Variants in NRXN1 observed in about 807,000 individuals in gnomAD.
The protein encoded by NRXN1 is neurexin-1.
A neutral mutation model predicts 150.9 loss-of-function variants in NRXN1; 39 were observed. The observed-to-expected ratio is 0.26, with a 90% CI of 0.20 to 0.34. The LOEUF (loss-of-function observed/expected upper bound fraction) is 0.34. Ranked by LOEUF, NRXN1 falls within the 10% of genes least tolerant of loss-of-function variation. NRXN1 has a pLI of 1.00. For missense variants in NRXN1, 1,815 were observed against 1,949.9 expected, an observed-to-expected ratio of 0.93 and a Z score of 1.30; for synonymous variants, 924 against 757.0, an observed-to-expected ratio of 1.22 and a Z score of -3.62.
At chr2:50,384,505 C>CAAAAAAA (rs56052881) in intron 17 of NRXN1, among the ~76,000 whole-genome samples, 5 of 55,968 alleles carry the variant, frequency 8.9e-5, no homozygotes, top group East Asian at 4.2e-4. Context: ...GACTCCATCT[C>CAAAAAAA]AAAAAAAAAA....
chr2:50,844,182 G>A (rs991400132), intron 5 of NRXN1, among the ~76,000 whole-genome samples: 1 of 152,024 alleles, frequency 6.6e-6, no homozygotes, highest in Non-Finnish European at 1.5e-5. Context: ...GTCACAACAG[G>A]TAATTTATCT....
rs1491158433 is a variant in NRXN1, at chr2:50,278,255, T to TATTATA, written c.3365-41286_3365-41285insTATAAT. 7.6e-4 allele frequency among the ~76,000 whole-genome samples: 86 copies of TATTATA among 112,546 alleles called. 1 individual carries two copies. The highest frequency in any genetic ancestry group is 1.7e-3 in the South Asian group (7 of 4,044). 73.8% of individuals were successfully genotyped at this position (112,546 alleles called of 152,430 possible). Reference sequence around the variant, plus strand: ...TATATATATATAATATATATATATATTATATATATTATATATGTATTATAT... The same window carrying TATTATA: ...TATATATATATAATATATATATATATATTATATATATATATTATATATGTATTATAT... On this transcript the variant is annotated intron_variant, in intron 17 of 22. Coordinates refer to ENST00000401669, the MANE Select transcript of NRXN1 (RefSeq NM_001330078.2).
intron 17 of NRXN1, among the ~76,000 whole-genome samples, chr2:50,369,027 G>T (rs947369623): frequency 3.3e-5 from 5 of 151,926 alleles, no homozygotes; most frequent in Non-Finnish European, 7.4e-5. Flanking sequence ...AAGGGAAGGA[G>T]CAAAACATCG....
At chr2:50,115,601 T>C (rs1308945222) in intron 18 of NRXN1, among the ~76,000 whole-genome samples, 1 of 151,878 alleles carries the variant, frequency 6.6e-6, no homozygotes, top group Non-Finnish European at 1.5e-5. Flanking sequence ...CCTGTCCAAC[T>C]GCACAGCTGA....
chr2:50,538,174 T>A, intron 10 of NRXN1, 79 bp downstream of exon 10: 2 of 1,478,664 alleles, frequency 1.4e-6, no homozygotes, highest in South Asian at 1.3e-5. Flanking sequence ...TACGTTTCAA[T>A]GGTCAGTGCA....
At chr2:50,261,367 C>A (rs866526429) in intron 17 of NRXN1, among the ~76,000 whole-genome samples, 4 of 151,760 alleles carry the variant, frequency 2.6e-5, no homozygotes, top group South Asian at 4.1e-4. Flanking sequence ...CAGAGAGATT[C>A]ATTTTCTCCT....
intron 5 of NRXN1, among the ~76,000 whole-genome samples, chr2:50,629,768 A>G (rs1681914844): frequency 6.6e-6 from 1 of 151,684 alleles, no homozygotes; most frequent in Non-Finnish European, 1.5e-5. Flanking sequence ...CAATAGTAAT[A>G]ATTTCAATTG....
At chr2:50,199,391 C>T (rs1369106384) in intron 18 of NRXN1, 2 of 152,078 alleles carry the variant, frequency 1.3e-5, no homozygotes, top group African/African-American at 4.8e-5. Context: ...GTTTTTGGAA[C>T]TCCCAACCCC....
At chr2:50,944,479 T>C (rs902799161) in intron 2 of NRXN1, among the ~76,000 whole-genome samples, 1 of 152,126 alleles carries the variant, frequency 6.6e-6, no homozygotes, top group Non-Finnish European at 1.5e-5. Flanking sequence ...ATGTAACACA[T>C]AGCTAATGAA....
intron 2 of NRXN1, among the ~76,000 whole-genome samples, chr2:51,004,169 G>A (rs950749303): frequency 2.0e-5 from 3 of 151,810 alleles, no homozygotes; most frequent in Non-Finnish European, 4.4e-5. Flanking sequence ...TTTCACAGAT[G>A]CTGGACAGAT....
intron 5 of NRXN1, among the ~76,000 whole-genome samples, chr2:50,669,866 AAAC>A (rs1286140018): frequency 1.5e-5 from 2 of 135,678 alleles, no homozygotes; most frequent in African/African-American, 5.7e-5. Flanking sequence ...ATAAATCCAA[AAAC>A]AACAACAAAA....
chr2:50,735,761 T>G (rs1474863265), intron 5 of NRXN1, among the ~76,000 whole-genome samples: 2 of 152,222 alleles, frequency 1.3e-5, no homozygotes, highest in Non-Finnish European at 2.9e-5. Context: ...TTCACCTACC[T>G]ATTTGACATC....
At chr2:50,999,797 T>C (rs1197960759) in intron 2 of NRXN1, among the ~76,000 whole-genome samples, 1 of 152,000 alleles carries the variant, frequency 6.6e-6, no homozygotes. Context: ...ATTCAAAGTA[T>C]GTGCTAACAT....
At chr2:50,125,527 A>G (rs1435603661) in intron 18 of NRXN1, among the ~76,000 whole-genome samples, 1 of 152,124 alleles carries the variant, frequency 6.6e-6, no homozygotes, top group East Asian at 1.9e-4. Context: ...AAACTGAGCC[A>G]GAAACTGAAA....
At chr2:50,118,997 G>A (rs1302331443) in intron 18 of NRXN1, among the ~76,000 whole-genome samples, 1 of 150,696 alleles carries the variant, frequency 6.6e-6, no homozygotes, top group East Asian at 1.9e-4. Flanking sequence ...TTTTCGGTTG[G>A]TATTACAGAA....
intron 2 of NRXN1, among the ~76,000 whole-genome samples, chr2:51,007,918 G>T (rs548782968): frequency 6.6e-6 from 1 of 151,876 alleles, no homozygotes; most frequent in African/African-American, 2.4e-5. Context: ...CCTAAGAAAG[G>T]AAATAACAGT....
intron 21 of NRXN1, among the ~76,000 whole-genome samples, chr2:50,011,587 G>T (rs1007304450): frequency 6.6e-6 from 1 of 152,054 alleles, no homozygotes; most frequent in Non-Finnish European, 1.5e-5. Flanking sequence ...CAGGCAGCTA[G>T]ATTTATATTT....
At chr2:50,076,014 C>T (rs1697038787) in intron 19 of NRXN1, among the ~76,000 whole-genome samples, 1 of 152,222 alleles carries the variant, frequency 6.6e-6, no homozygotes, top group Admixed American at 6.5e-5. Flanking sequence ...CCTTAGCACC[C>T]AGCCCACATT....
At chr2:50,732,068 T>A (rs1431048751) in intron 5 of NRXN1, among the ~76,000 whole-genome samples, 1 of 152,208 alleles carries the variant, frequency 6.6e-6, no homozygotes, top group East Asian at 1.9e-4. Context: ...ACGTGACCAA[T>A]GAACTTAATA....
Sources: gnomAD v4.1 joint callset for allele counts (sites outside exome capture counted in the v4.1 genomes callset) on GRCh38, gnomAD v4.1.1 for gene constraint, MANE v1.5 for transcripts, NCBI Gene and HGNC (gene_info 2026-07-23, HGNC 2026-07-21) for gene names.